The following SHISA6 variants were observed in gnomAD, a reference collection of about 807,000 sequenced individuals.
The protein encoded by SHISA6 is protein shisa-6.
SHISA6 carries 22 observed loss-of-function variants against 47.9 expected under a neutral mutation model. The ratio of observed to expected loss-of-function variants is 0.46; its 90% confidence interval spans 0.33 to 0.66. The LOEUF (loss-of-function observed/expected upper bound fraction) is 0.66, where lower values mean the gene tolerates loss of function less well. Ranked by LOEUF, SHISA6 falls within the 30% of genes least tolerant of loss-of-function variation. SHISA6 has a pLI of 0.02. For synonymous variants in SHISA6, 388 were observed against 337.8 expected, an observed-to-expected ratio of 1.15 and a Z score of -1.63; for missense variants, 680 against 764.6, an observed-to-expected ratio of 0.89 and a Z score of 1.30.
At chr17:11,308,052 G>A (rs939900754) in intron 2 of SHISA6, among the ~76,000 whole-genome samples, 6 of 152,158 alleles carry the variant, frequency 3.9e-5, no homozygotes, top group Non-Finnish European at 5.9e-5. Context: ...CTTTGGTGGG[G>A]TAAGGAAGTG....
At chr17:11,267,339 C>G (rs949703059) in intron 2 of SHISA6, among the ~76,000 whole-genome samples, 1 of 152,170 alleles carries the variant, frequency 6.6e-6, no homozygotes, top group African/African-American at 2.4e-5. Context: ...TGGGCTCTTC[C>G]TCAAACCTAC....
intron 1 of SHISA6, among the ~76,000 whole-genome samples, chr17:11,244,820 G>A (rs1907511947): frequency 6.6e-6 from 1 of 152,216 alleles, no homozygotes; most frequent in African/African-American, 2.4e-5. Flanking sequence ...GTTTCAGTGT[G>A]TGCTTCCCCC....
At chr17:11,317,747 C>T (rs1275552775) in intron 2 of SHISA6, among the ~76,000 whole-genome samples, 1 of 151,428 alleles carries the variant, frequency 6.6e-6, no homozygotes, top group Non-Finnish European at 1.5e-5. Context: ...AGTCTTCTTT[C>T]CGTTTTAAAA....
At chr17:11,471,338 C>T (rs1201338514) in intron 3 of SHISA6, among the ~76,000 whole-genome samples, 3 of 152,174 alleles carry the variant, frequency 2.0e-5, no homozygotes, top group Admixed American at 2.0e-4. Flanking sequence ...AACTGACTTC[C>T]TTGTCAGTCT....
rs1237776459 is a variant in SHISA6, at chr17:11,241,585, G to A, written c.163G>A (p.Gly55Ser). 8.7e-7 allele frequency: 1 copy of A among 1,151,836 alleles called. No individual in the cohort carries two copies. 71.4% of individuals were successfully genotyped at this position (1,151,836 alleles called of 1,614,324 possible). The change falls in exon 1 of 6, where the codon GGC becomes AGC. Residue 55 changes from glycine to serine, a missense_variant. Physicochemically the swap from Gly to Ser is moderately conservative, Grantham distance 56. Coordinates refer to ENST00000441885, the MANE Select transcript of SHISA6 (RefSeq NM_207386.4). The surrounding 1 kb of genome is among the most constrained non-coding windows in gnomAD (Gnocchi z 5.5). Reference sequence around the variant, plus strand: ...GGCCGGGGGCGCCCTGGCACGGGGCGGCCGCGAGCTGAACGGCACCGCCCG... The same window carrying A: ...GGCCGGGGGCGCCCTGGCACGGGGCAGCCGCGAGCTGAACGGCACCGCCCG... Reference protein sequence around the residue: ...RRAGGALARGGRELNGTARAP... With the variant: ...RRAGGALARGSRELNGTARAP...
At chr17:11,446,062 G>A (rs1357388121) in intron 3 of SHISA6, among the ~76,000 whole-genome samples, 2 of 152,036 alleles carry the variant, frequency 1.3e-5, no homozygotes, top group Admixed American at 1.3e-4. Flanking sequence ...TCCTGACCTC[G>A]TGATCCGCCC....
At chr17:11,488,089 G>T (rs1161634343) in intron 3 of SHISA6, among the ~76,000 whole-genome samples, 1 of 152,148 alleles carries the variant, frequency 6.6e-6, no homozygotes, top group Non-Finnish European at 1.5e-5. Context: ...CGTTTCCAAC[G>T]GAGCCAAACT....
chr17:11,377,546 G>T (rs927650646), intron 2 of SHISA6, among the ~76,000 whole-genome samples: 1 of 152,212 alleles, frequency 6.6e-6, no homozygotes, highest in Non-Finnish European at 1.5e-5. Flanking sequence ...AACTCTGGGA[G>T]TGGGGCCCAG....
At chr17:11,302,549 A>G (rs142058679) in intron 2 of SHISA6, among the ~76,000 whole-genome samples, 52 of 152,340 alleles carry the variant, frequency 3.4e-4, no homozygotes, top group African/African-American at 8.9e-4. Flanking sequence ...TGCCAGAAAC[A>G]GGCAAGCATT....
chr17:11,274,214 C>A (rs772040253), intron 2 of SHISA6, among the ~76,000 whole-genome samples: 2 of 152,194 alleles, frequency 1.3e-5, no homozygotes, highest in Admixed American at 6.5e-5. Flanking sequence ...ACTTTCCCCA[C>A]GTGGCCGGGG....
intron 3 of SHISA6, among the ~76,000 whole-genome samples, chr17:11,396,898 TAAAGTAAAATTTTAAAA>T (rs1452050074): frequency 6.6e-6 from 1 of 152,178 alleles, no homozygotes; most frequent in Non-Finnish European, 1.5e-5. Context: ...TCTCAGAACT[TAAAGTAAAATTTTAAAA>T]AAAGAATTAG....
chr17:11,402,396 A>G (rs755356921), intron 3 of SHISA6, among the ~76,000 whole-genome samples: 1 of 152,186 alleles, frequency 6.6e-6, no homozygotes, highest in Non-Finnish European at 1.5e-5. Flanking sequence ...TCTAGATGTT[A>G]ATCAACATAC....
intron 2 of SHISA6, among the ~76,000 whole-genome samples, chr17:11,373,712 T>A (rs1912700039): frequency 1.3e-5 from 2 of 152,198 alleles, no homozygotes; most frequent in African/African-American, 4.8e-5. Context: ...CATGCTGATA[T>A]TTAGAGCTCT....
intron 3 of SHISA6, among the ~76,000 whole-genome samples, chr17:11,534,069 C>T (rs534506525): frequency 7.9e-5 from 12 of 151,372 alleles, no homozygotes; most frequent in Non-Finnish European, 1.5e-4. Flanking sequence ...CCTCCTCTCC[C>T]GGGTTCAAGC....
intron 2 of SHISA6, among the ~76,000 whole-genome samples, chr17:11,269,078 G>A (rs1422873213): frequency 1.3e-5 from 2 of 150,606 alleles, no homozygotes; most frequent in Admixed American, 1.3e-4. Context: ...GTCTTGCCCT[G>A]TCGCCCAGGC....
chr17:11,373,033 T>C (rs147526629), intron 2 of SHISA6, among the ~76,000 whole-genome samples: 8 of 152,104 alleles, frequency 5.3e-5, no homozygotes, highest in African/African-American at 1.9e-4. Context: ...TCAATAAAGA[T>C]AACTCGTTAA....
chr17:11,512,128 G>A (rs2071546309), intron 3 of SHISA6, among the ~76,000 whole-genome samples: 1 of 152,216 alleles, frequency 6.6e-6, no homozygotes, highest in Admixed American at 6.5e-5. Flanking sequence ...GGCACCCTTT[G>A]ATTTTGAAGA....
At chr17:11,333,185 G>A (rs149436440) in intron 2 of SHISA6, among the ~76,000 whole-genome samples, 392 of 152,312 alleles carry the variant, frequency 2.6e-3, no homozygotes, top group Middle Eastern at 0.014. Flanking sequence ...GAGTGGCACA[G>A]AGGTGGGTTT....
intron 2 of SHISA6, among the ~76,000 whole-genome samples, chr17:11,352,572 C>T (rs997868819): frequency 6.6e-6 from 1 of 152,168 alleles, no homozygotes; most frequent in Non-Finnish European, 1.5e-5. Flanking sequence ...ATCATACCCA[C>T]AGGGTAATGG....
Sources: allele counts gnomAD v4.1 joint callset (sites outside exome capture counted in the v4.1 genomes callset), GRCh38; gene constraint gnomAD v4.1.1; non-coding constraint Gnocchi (gnomAD v3.1); transcripts MANE v1.5; gene names NCBI Gene and HGNC (gene_info 2026-07-23, HGNC 2026-07-21).